The following CCSER1 variants were observed in gnomAD, a reference collection of about 807,000 sequenced individuals.
The protein encoded by CCSER1 is coiled-coil serine rich protein 1, also known as serine-rich coiled-coil domain-containing protein 1.
In CCSER1, 41 loss-of-function variants were observed where a neutral mutation model predicts 82.0. The observed-to-expected ratio is 0.50, with a 90% CI of 0.39 to 0.65. CCSER1 has a LOEUF of 0.65. Ranked by LOEUF, CCSER1 falls within the 30% of genes least tolerant of loss-of-function variation. CCSER1 has a pLI of 0.00. For synonymous variants in CCSER1, 414 were observed against 383.9 expected (o/e 1.08, Z -0.92); for missense variants, 1,119 against 1,064.2 (o/e 1.05, Z -0.72).
intron 10 of CCSER1, among the ~76,000 whole-genome samples, chr4:91,524,710 A>G (rs538039827): frequency 1.9e-3 from 289 of 152,334 alleles, no homozygotes; most frequent in Non-Finnish European, 3.3e-3. Context: ...ATTTACAACA[A>G]TTAGCCAAGA....
At chr4:90,691,649 A>G (rs1735976266) in intron 6 of CCSER1, among the ~76,000 whole-genome samples, 1 of 151,750 alleles carries the variant, frequency 6.6e-6, no homozygotes, top group South Asian at 2.1e-4. Flanking sequence ...ACATGTATAT[A>G]TACACACATG....
chr4:90,791,493 A>G (rs1255778819), intron 7 of CCSER1, among the ~76,000 whole-genome samples: 4 of 152,136 alleles, frequency 2.6e-5, no homozygotes, highest in Non-Finnish European at 5.9e-5. Flanking sequence ...CCACCAACAG[A>G]AAGAGTACAA....
At chr4:90,276,302 CCTTCCTTT>C (rs1371025662) in intron 1 of CCSER1, among the ~76,000 whole-genome samples, 1,355 of 114,382 alleles carry the variant, frequency 0.012, 20 homozygotes, top group South Asian at 0.019. Context: ...TTCCTTCCTT[CCTTCCTTT>C]CTTTCTTTTT....
intron 5 of CCSER1, among the ~76,000 whole-genome samples, chr4:90,581,177 T>C (rs959723855): frequency 6.6e-6 from 1 of 152,100 alleles, no homozygotes; most frequent in Non-Finnish European, 1.5e-5. Flanking sequence ...TACTAAATTA[T>C]AGATTGTAAT....
intron 9 of CCSER1, among the ~76,000 whole-genome samples, chr4:91,008,625 T>C (rs1213040704): frequency 6.6e-6 from 1 of 152,200 alleles, no homozygotes; most frequent in African/African-American, 2.4e-5. Context: ...GGAGGCATCG[T>C]ATAGTTTGAT....
In CCSER1 at chr4:91,233,803, A is replaced by AT. The variant is rs960098499; in HGVS notation, c.2217+147818dup. On this transcript the variant is annotated intron_variant, in intron 10 of 10. Coordinates refer to ENST00000509176, the MANE Select transcript of CCSER1 (RefSeq NM_001145065.2). ...GCATCATTTAAAGTACATGTTAAGG[A>AT]TTTTTTTTTAACCTTCCTTTATAGA... Among the ~76,000 whole-genome samples the AT allele has an allele frequency of 2.3e-3, 342 of 151,420 alleles. 1 individual carries two copies. The highest frequency in any genetic ancestry group is 7.1e-3 in the African/African-American group (293 of 41,422).
At chr4:90,603,401 C>A (rs1311942193) in intron 5 of CCSER1, among the ~76,000 whole-genome samples, 2 of 152,160 alleles carry the variant, frequency 1.3e-5, no homozygotes, top group Non-Finnish European at 2.9e-5. Flanking sequence ...CTGTCCTCAG[C>A]CCTGCCAGAG....
At chr4:90,291,151 A>G (rs1185431508) in intron 1 of CCSER1, among the ~76,000 whole-genome samples, 1 of 152,036 alleles carries the variant, frequency 6.6e-6, no homozygotes, top group Non-Finnish European at 1.5e-5. Context: ...AAATAAGGAC[A>G]TATCTCTGGC....
intron 10 of CCSER1, among the ~76,000 whole-genome samples, chr4:91,591,879 T>A (rs1301331499): frequency 6.6e-6 from 1 of 152,118 alleles, no homozygotes; most frequent in Non-Finnish European, 1.5e-5. Flanking sequence ...TGAAATTGAT[T>A]TTTTTTCATT....
intron 10 of CCSER1, among the ~76,000 whole-genome samples, chr4:91,173,270 T>C (rs189443841): frequency 6.6e-6 from 1 of 152,110 alleles, no homozygotes; most frequent in African/African-American, 2.4e-5. Flanking sequence ...TAGAAATTAG[T>C]AAAGGAAAAA....
rs573455294 is a variant in CCSER1, at chr4:90,836,288, C to T, written c.2094+20443C>T. Among the ~76,000 whole-genome samples, 24 of 151,988 alleles carry T rather than the reference C, an allele frequency of 1.6e-4. No individual in the cohort carries two copies. In the South Asian group the frequency reaches 5.0e-3, roughly 32 times the overall value. On this transcript the variant is annotated intron_variant, in intron 8 of 10. Transcript: ENST00000509176. Reference sequence around the variant, plus strand: ...CAAACTAACCTTTGGGTCTGGCATCCTAATGAATGTATTAGTCAAATGTCA... The same window carrying T: ...CAAACTAACCTTTGGGTCTGGCATCTTAATGAATGTATTAGTCAAATGTCA...
chr4:90,206,948 C>T (rs1357105823), intron 1 of CCSER1, among the ~76,000 whole-genome samples: 1 of 151,968 alleles, frequency 6.6e-6, no homozygotes, highest in East Asian at 1.9e-4. Context: ...CCTTCTTTGT[C>T]TCTTTTGATC....
chr4:91,222,750 C>A (rs939608955), intron 10 of CCSER1, among the ~76,000 whole-genome samples: 2 of 152,066 alleles, frequency 1.3e-5, no homozygotes, highest in Admixed American at 6.5e-5. Context: ...TCTGTGCTGT[C>A]CAGTATGATA....
intron 10 of CCSER1, among the ~76,000 whole-genome samples, chr4:91,322,317 C>T (rs1020937994): frequency 6.6e-6 from 1 of 151,998 alleles, no homozygotes; most frequent in African/African-American, 2.4e-5. Flanking sequence ...CATCCCAATT[C>T]AATAATGTAA....
chr4:90,795,783 G>A (rs908987047), intron 7 of CCSER1, among the ~76,000 whole-genome samples: 2 of 152,140 alleles, frequency 1.3e-5, no homozygotes, highest in African/African-American at 4.8e-5. Context: ...TTCTGTTTAT[G>A]TGATGAATCA....
chr4:90,472,933 T>C (rs1428036333), intron 5 of CCSER1, among the ~76,000 whole-genome samples: 1 of 152,084 alleles, frequency 6.6e-6, no homozygotes, highest in Non-Finnish European at 1.5e-5. Flanking sequence ...TTATCCTAAG[T>C]GAAATAACTC....
intron 1 of CCSER1, among the ~76,000 whole-genome samples, chr4:90,158,638 G>A (rs572616387): frequency 6.6e-6 from 1 of 152,330 alleles, no homozygotes; most frequent in East Asian, 1.9e-4. Context: ...AGACTGCTGT[G>A]CTAGCAATCA....
intron 10 of CCSER1, among the ~76,000 whole-genome samples, chr4:91,183,765 T>G (rs1274204434): frequency 6.6e-6 from 1 of 152,178 alleles, no homozygotes; most frequent in Non-Finnish European, 1.5e-5. Flanking sequence ...ATCTATTCTA[T>G]TTATTTGAGG....
At chr4:90,955,842 A>G (rs374570595) in intron 9 of CCSER1, among the ~76,000 whole-genome samples, 3 of 152,166 alleles carry the variant, frequency 2.0e-5, no homozygotes, top group East Asian at 3.8e-4. Flanking sequence ...AATTCAGATC[A>G]TAACTTAAAT....
Sources: allele counts gnomAD v4.1 joint callset (sites outside exome capture counted in the v4.1 genomes callset), GRCh38; gene constraint gnomAD v4.1.1; transcripts MANE v1.5; gene names NCBI Gene and HGNC (gene_info 2026-07-23, HGNC 2026-07-21).